Variants in TGFB2 observed in about 807,000 individuals in gnomAD.
TGFB2 encodes transforming growth factor beta-2 proprotein.
In TGFB2, 13 loss-of-function variants were observed where a neutral mutation model predicts 42.7. The observed-to-expected ratio is 0.30, with a 90% CI of 0.20 to 0.48. TGFB2 has a LOEUF of 0.48. Ranked by LOEUF, TGFB2 falls within the 20% of genes least tolerant of loss-of-function variation. The probability of loss-of-function intolerance (pLI) is 0.99; values close to 1 mark genes in which losing one functional copy is unlikely to be tolerated. For synonymous variants in TGFB2, 193 were observed against 193.6 expected (o/e 1.00, Z 0.03); for missense variants, 390 against 517.5 (o/e 0.75, Z 2.39).
At position 218,435,630 on chromosome 1, in the gene TGFB2, C is replaced by T. The variant is rs11466409; in HGVS notation, c.755-340C>T. Among the ~76,000 whole-genome samples the T allele has an allele frequency of 1.5e-3, 229 of 152,274 alleles. 4 individuals are homozygous for T. The highest frequency in any genetic ancestry group is 5.2e-3 in the African/African-American group (216 of 41,558). On this transcript the variant is annotated intron_variant, in intron 4 of 6. Coordinates refer to ENST00000366930, the MANE Select transcript of TGFB2 (RefSeq NM_003238.6). The stretch of plus-strand genomic sequence containing the variant: ...TGTGTTCAGTTGTTGAGGGCTTGAA[C>T]GCAGCCTAAACTGAGGATTGACTAA...
chr1:218,395,823 C>T (rs1386707215), intron 1 of TGFB2, among the ~76,000 whole-genome samples: 1 of 152,032 alleles, frequency 6.6e-6, no homozygotes, highest in East Asian at 1.9e-4. Flanking sequence ...ACCATGTTAG[C>T]CAGGATGGTC....
chr1:218,436,167 A>G lies in TGFB2; in HGVS notation c.932+20A>G. 3 of 1,604,186 alleles carry G rather than the reference A, an allele frequency of 1.9e-6. No homozygotes were observed. Among genetic ancestry groups the G allele is most frequent in the Non-Finnish European group, 2.6e-6 (3 of 1,176,260 alleles). ...CTTTAGGTAAAGGAAAGAAAAGTAAAACCAAGTAATTGCATCTGTTAACTC... is the reference window on the plus strand; with the variant it reads ...CTTTAGGTAAAGGAAAGAAAAGTAAGACCAAGTAATTGCATCTGTTAACTC... On this transcript the variant is annotated intron_variant, in intron 5 of 6. Coordinates refer to ENST00000366930, the MANE Select transcript of TGFB2 (RefSeq NM_003238.6).
At chr1:218,386,656 G>A (rs1658148005) in intron 1 of TGFB2, among the ~76,000 whole-genome samples, 1 of 152,214 alleles carries the variant, frequency 6.6e-6, no homozygotes, top group African/African-American at 2.4e-5. Context: ...CTGGATGGCA[G>A]AGAAAGGGAG....
intron 1 of TGFB2, chr1:218,363,495 G>T: frequency 7.1e-7 from 1 of 1,401,974 alleles, no homozygotes; most frequent in South Asian, 1.2e-5. Context: ...CTCCTGTGGG[G>T]AACTTGCCAG....
chr1:218,380,618 C>G (rs552511219), intron 1 of TGFB2, among the ~76,000 whole-genome samples: 1 of 152,076 alleles, frequency 6.6e-6, no homozygotes, highest in East Asian at 1.9e-4. Context: ...AACTGCACTC[C>G]GCCTGGGATG....
At chr1:218,418,906 G>A (rs973538175) in intron 2 of TGFB2, among the ~76,000 whole-genome samples, 3 of 152,190 alleles carry the variant, frequency 2.0e-5, no homozygotes, top group African/African-American at 4.8e-5. Context: ...CCTCAGCCAA[G>A]TGGAACTGTA....
chr1:218,368,345 C>T (rs1397230923), intron 1 of TGFB2, among the ~76,000 whole-genome samples: 1 of 150,802 alleles, frequency 6.6e-6, no homozygotes, highest in Admixed American at 6.6e-5. Flanking sequence ...CCATGTTGGC[C>T]CCACTGGTCT....
At chr1:218,398,931 T>A (rs1658618448) in intron 1 of TGFB2, among the ~76,000 whole-genome samples, 1 of 151,866 alleles carries the variant, frequency 6.6e-6, no homozygotes, top group East Asian at 1.9e-4. Context: ...TGCCCAGGCT[T>A]CAGTGCAGTG....
At chr1:218,371,350 T>C (rs1249872884) in intron 1 of TGFB2, among the ~76,000 whole-genome samples, 1 of 152,134 alleles carries the variant, frequency 6.6e-6, no homozygotes, top group Non-Finnish European at 1.5e-5. Flanking sequence ...AGAAAAACTT[T>C]CTGTTTTGTG....
chr1:218,401,988 G>A (rs914371854), intron 1 of TGFB2, among the ~76,000 whole-genome samples: 4 of 152,238 alleles, frequency 2.6e-5, no homozygotes, highest in Non-Finnish European at 2.9e-5. Context: ...ATGTTCCTCA[G>A]CCAGCCAGGG....
At chr1:218,415,685 ACT>A (rs1310287067) in intron 2 of TGFB2, among the ~76,000 whole-genome samples, 29 of 120,972 alleles carry the variant, frequency 2.4e-4, no homozygotes, top group Non-Finnish European at 3.8e-4. Flanking sequence ...ACAGAGCGAG[ACT>A]CTGTCTCAAA....
chr1:218,431,315 G>T (rs1659800412), intron 2 of TGFB2, among the ~76,000 whole-genome samples: 1 of 152,192 alleles, frequency 6.6e-6, no homozygotes, highest in South Asian at 2.1e-4. Flanking sequence ...AAAAGCTTCA[G>T]AGTCTCTTTG....
intron 1 of TGFB2, among the ~76,000 whole-genome samples, chr1:218,350,248 T>A (rs1467604799): frequency 6.6e-6 from 1 of 152,230 alleles, no homozygotes; most frequent in Non-Finnish European, 1.5e-5. Flanking sequence ...TTTTTCATTG[T>A]AACCAATCAG....
chr1:218,431,592 G>T (rs1034848448), intron 2 of TGFB2, among the ~76,000 whole-genome samples: 3 of 152,222 alleles, frequency 2.0e-5, no homozygotes, highest in Non-Finnish European at 4.4e-5. Context: ...GTTCTAGGTA[G>T]TATGTCTAAA....
intron 1 of TGFB2, 133 bp from the exon 2 acceptor site, chr1:218,405,036 G>A (rs1403217281): frequency 2.1e-6 from 2 of 945,288 alleles, no homozygotes; most frequent in Admixed American, 2.4e-5. Context: ...ATTGTTAATG[G>A]TATTAAACTG....
At chr1:218,397,481 G>A (rs1445877975) in intron 1 of TGFB2, among the ~76,000 whole-genome samples, 16 of 150,920 alleles carry the variant, frequency 1.1e-4, no homozygotes, top group African/African-American at 3.7e-4. Flanking sequence ...GGAGAATGGC[G>A]TGAACCCGGG....
At chr1:218,350,208 C>A (rs1217443563) in intron 1 of TGFB2, among the ~76,000 whole-genome samples, 1 of 152,172 alleles carries the variant, frequency 6.6e-6, no homozygotes, top group Admixed American at 6.5e-5. Flanking sequence ...GGAAGAGACA[C>A]AACGTTTCAT....
At chr1:218,379,130 C>CT (rs61674773) in intron 1 of TGFB2, among the ~76,000 whole-genome samples, 205 of 143,974 alleles carry the variant, frequency 1.4e-3, no homozygotes, top group African/African-American at 4.6e-3. Context: ...TTCTTTCTTT[C>CT]TTTTTTTTTT....
chr1:218,359,997 A>G (rs1251833581), intron 1 of TGFB2, among the ~76,000 whole-genome samples: 1 of 152,210 alleles, frequency 6.6e-6, no homozygotes, highest in Non-Finnish European at 1.5e-5. Context: ...TTTGAGGTCA[A>G]ATGAGGTTCT....
Sources: gnomAD v4.1 joint callset for allele counts (sites outside exome capture counted in the v4.1 genomes callset) on GRCh38, gnomAD v4.1.1 for gene constraint, MANE v1.5 for transcripts, NCBI Gene and HGNC (gene_info 2026-07-23, HGNC 2026-07-21) for gene names.